Variants in NOS1AP observed in about 807,000 individuals in gnomAD.
NOS1AP encodes nitric oxide synthase 1 adaptor protein.
NOS1AP carries 21 observed loss-of-function variants against 56.2 expected under a neutral mutation model. The ratio of observed to expected loss-of-function variants is 0.37; its 90% CI spans 0.26 to 0.54. NOS1AP has a LOEUF of 0.54. Ranked by LOEUF, NOS1AP falls within the 20% of genes least tolerant of loss-of-function variation. NOS1AP has a pLI of 0.84. For synonymous variants in NOS1AP, 270 were observed against 274.6 expected (o/e 0.98, Z 0.17); for missense variants, 522 against 657.8 (o/e 0.79, Z 2.26).
intron 1 of NOS1AP, among the ~76,000 whole-genome samples, chr1:162,079,561 T>A (rs1159262615): frequency 1.3e-5 from 2 of 152,216 alleles, no homozygotes; most frequent in African/African-American, 2.4e-5. Context: ...GTGTGAGTTA[T>A]GTAACATCTT....
At chr1:162,172,012 A>G (rs1354689230) in intron 2 of NOS1AP, among the ~76,000 whole-genome samples, 4 of 152,222 alleles carry the variant, frequency 2.6e-5, no homozygotes, top group African/African-American at 9.6e-5. Flanking sequence ...GGCTTCAGCC[A>G]GTGAGATGCT....
intron 1 of NOS1AP, among the ~76,000 whole-genome samples, chr1:162,081,764 A>ATC: frequency 3.4e-4 from 4 of 11,694 alleles, no homozygotes; most frequent in South Asian, 2.2e-3. Context: ...AGATATATAT[A>ATC]TATATATATA....
At chr1:162,286,298 G>C (rs1655087459) in intron 2 of NOS1AP, among the ~76,000 whole-genome samples, 2 of 152,190 alleles carry the variant, frequency 1.3e-5, no homozygotes. Context: ...GTGGCAACAT[G>C]GTAGGAGAAG....
intron 8 of NOS1AP, chr1:162,362,925 A>G: frequency 1.0e-6 from 1 of 974,184 alleles, no homozygotes; most frequent in Non-Finnish European, 1.2e-6. Flanking sequence ...TTCCCTGTTG[A>G]GTGGATATAG....
chr1:162,119,453 A>G (rs1049115519), intron 1 of NOS1AP, among the ~76,000 whole-genome samples: 3 of 152,308 alleles, frequency 2.0e-5, no homozygotes, highest in African/African-American at 4.8e-5. Flanking sequence ...TTCTGTTTAG[A>G]TAAAGCAGAA....
chr1:162,095,172 G>A (rs1038161370), intron 1 of NOS1AP, among the ~76,000 whole-genome samples: 1 of 152,160 alleles, frequency 6.6e-6, no homozygotes, highest in African/African-American at 2.4e-5. Flanking sequence ...GAATGTTTGT[G>A]TCCTCCCCGA....
chr1:162,334,152 G>A (rs347312), intron 5 of NOS1AP, among the ~76,000 whole-genome samples: 133,819 of 152,204 alleles, frequency 0.88, 59,627 homozygotes, highest in Non-Finnish European at 0.95. Context: ...ATTTACTGAT[G>A]GGTGTCCTAT....
rs537343223 is a variant in NOS1AP, at chr1:162,163,662, G to C, written c.177+9186G>C. ...AAATGTTCCAGACAGAGGTCAGCAA[G>C]TGCCCCAGGTCACCATTCCTGGGGG... On this transcript the variant is annotated intron_variant, in intron 2 of 9. Transcript: ENST00000361897. 9.2e-5 allele frequency among the ~76,000 whole-genome samples: 14 copies of C among 152,198 alleles called. No individual in the cohort carries two copies. The South Asian group carries it at 2.7e-3, about 29-fold the overall frequency.
At chr1:162,114,633 G>A (rs1647860888) in intron 1 of NOS1AP, among the ~76,000 whole-genome samples, 1 of 152,004 alleles carries the variant, frequency 6.6e-6, no homozygotes, top group African/African-American at 2.4e-5. Context: ...ATTAATCTGG[G>A]AAATTGGATG....
At chr1:162,317,761 A>G (rs183559553) in intron 4 of NOS1AP, 2 of 152,308 alleles carry the variant, frequency 1.3e-5, no homozygotes, top group African/African-American at 2.4e-5. Context: ...CTTTTGATCC[A>G]TGTCACGTTT....
chr1:162,072,167 T>C (rs997167263), intron 1 of NOS1AP, among the ~76,000 whole-genome samples: 2 of 152,196 alleles, frequency 1.3e-5, no homozygotes, highest in African/African-American at 4.8e-5. Flanking sequence ...CTGCATTTGG[T>C]CCCTAAAACC....
At chr1:162,298,091 G>A (rs1305990957) in intron 3 of NOS1AP, among the ~76,000 whole-genome samples, 2 of 152,216 alleles carry the variant, frequency 1.3e-5, no homozygotes, top group African/African-American at 4.8e-5. Flanking sequence ...CTCTCTTCCA[G>A]CCAAACAATT....
At chr1:162,350,232 A>T (rs929516572) in intron 6 of NOS1AP, among the ~76,000 whole-genome samples, 3 of 152,210 alleles carry the variant, frequency 2.0e-5, no homozygotes, top group African/African-American at 7.2e-5. Flanking sequence ...CAGAAAAAAC[A>T]TGTTTACTCT....
chr1:162,272,487 A>C (rs1654610095), intron 2 of NOS1AP, among the ~76,000 whole-genome samples: 1 of 152,176 alleles, frequency 6.6e-6, no homozygotes, highest in African/African-American at 2.4e-5. Flanking sequence ...ACTCACCCAG[A>C]GAGGCAGCAA....
chr1:162,157,574 G>A (rs1650025225), intron 2 of NOS1AP, among the ~76,000 whole-genome samples: 1 of 152,210 alleles, frequency 6.6e-6, no homozygotes, highest in African/African-American at 2.4e-5. Flanking sequence ...GATGGGTTCA[G>A]AAGACACAGG....
intron 1 of NOS1AP, among the ~76,000 whole-genome samples, chr1:162,139,312 C>T (rs1416793248): frequency 6.6e-6 from 1 of 152,034 alleles, no homozygotes; most frequent in Non-Finnish European, 1.5e-5. Flanking sequence ...GCCAATGTGG[C>T]CCTGTGGCTT....
intron 1 of NOS1AP, among the ~76,000 whole-genome samples, chr1:162,148,866 T>C (rs765347024): frequency 3.9e-5 from 6 of 152,070 alleles, no homozygotes; most frequent in Non-Finnish European, 8.8e-5. Flanking sequence ...GTAATGGCAG[T>C]GTAGACAGAG....
chr1:162,306,697 G>A (rs761792952), intron 4 of NOS1AP, among the ~76,000 whole-genome samples: 31 of 152,166 alleles, frequency 2.0e-4, no homozygotes, highest in Non-Finnish European at 4.3e-4. Context: ...AGCACTTTGG[G>A]CAGCTAAGTT....
At position 162,365,458 on chromosome 1, in the gene NOS1AP, C is replaced by G. The variant is rs746408615; in HGVS notation, c.994C>G (p.Gln332Glu). 6.2e-7 allele frequency: 1 copy of G among 1,614,080 alleles called. No individual in the cohort carries two copies. The highest frequency in any genetic ancestry group is 1.1e-5 in the South Asian group (1 of 91,076). Residue 332 changes from glutamine to glutamate, a missense_variant, in exon 9 of 10, where the codon CAG (glutamine) becomes GAG (glutamate). By Grantham distance (29) the Gln-to-Glu change is conservative. Transcript: ENST00000361897. ...TGAGGCTGCGGCGCGGCTGGAGGCC[C>G]AGGCTCGCGTGCATCAGCTTTTGCT... The part of the protein sequence containing the change: ...AAEAAARLEA[Q>E]ARVHQLLLQN...
Sources: allele counts gnomAD v4.1 joint callset (sites outside exome capture counted in the v4.1 genomes callset), GRCh38; gene constraint gnomAD v4.1.1; transcripts MANE v1.5; gene names NCBI Gene and HGNC (gene_info 2026-07-23, HGNC 2026-07-21).